The following SLC18A1 variants were observed in gnomAD, a reference collection of about 807,000 sequenced individuals.
The protein encoded by SLC18A1 is solute carrier family 18 member A1, also known as chromaffin granule amine transporter.
Under a neutral mutation model 53.7 loss-of-function variants are expected in SLC18A1, and 69 were observed. The ratio of observed to expected loss-of-function variants is 1.28; its 90% confidence interval spans 1.06 to 1.57. The LOEUF is 1.57. SLC18A1 is among the 40% of genes most tolerant of loss of function. The pLI is 0.00. For missense variants in SLC18A1, 932 were observed against 668.1 expected (o/e 1.40, Z -4.35); for synonymous variants, 320 against 248.1 (o/e 1.29, Z -2.72).
At chr8:20,159,921 C>T (rs576069238) in intron 10 of SLC18A1, among the ~76,000 whole-genome samples, 4 of 152,178 alleles carry the variant, frequency 2.6e-5, no homozygotes, top group African/African-American at 4.8e-5. Flanking sequence ...AGCGTGGTAG[C>T]ACAGATGGCT....
intron 10 of SLC18A1, among the ~76,000 whole-genome samples, chr8:20,153,864 G>C (rs1447994422): frequency 6.6e-6 from 1 of 152,158 alleles, no homozygotes; most frequent in African/African-American, 2.4e-5. Flanking sequence ...CTGACATCAA[G>C]GTGATATTGC....
chr8:20,149,617 TG>T, intron 12 of SLC18A1, 58 bp downstream of exon 12: 2 of 1,297,870 alleles, frequency 1.5e-6, no homozygotes, highest in Non-Finnish European at 2.2e-6. Flanking sequence ...TCTCTCTCTC[TG>T]TCTGTCTGTC....
intron 5 of SLC18A1, 99 bp from the exon 6 acceptor site, chr8:20,173,227 T>G: frequency 1.2e-6 from 1 of 837,782 alleles, no homozygotes; most frequent in East Asian, 2.7e-5. Context: ...GTGACAATCT[T>G]AGCTAGAGTT....
intron 4 of SLC18A1, among the ~76,000 whole-genome samples, chr8:20,174,739 G>A (rs1351550416): frequency 6.6e-6 from 1 of 152,162 alleles, no homozygotes; most frequent in Non-Finnish European, 1.5e-5. Flanking sequence ...TCTGTCCACT[G>A]AAATGAGGGA....
rs765546439 is a variant in SLC18A1 at position 20,148,078 on chromosome 8, G to C, written c.1147-8C>G. The C allele has an allele frequency of 1.9e-6, 3 of 1,613,820 alleles. No homozygotes were observed. The highest frequency in any genetic ancestry group is 2.7e-5 in the African/African-American group (2 of 74,902). On this transcript the variant is annotated splice_region_variant and splice_polypyrimidine_tract_variant and intron_variant, in intron 12 of 15. Coordinates refer to ENST00000276373, the MANE Select transcript of SLC18A1 (RefSeq NM_003053.4). The stretch of plus-strand genomic sequence containing the variant: ...ATTGTGAGCCAGAGGAACCTGCATG[G>C]GGAAGGAGGAAGAGTCATCAGGACT...
rs930279279 is a variant in SLC18A1, at chr8:20,144,902, T to A, written c.*861A>T. ...ATTAGCAAGTATGAACAATGTCACA[T>A]TACACCCCTCCTGTTAGGAAATCTA... On this transcript the variant is annotated 3_prime_UTR_variant, in exon 16 of 16. Transcript: ENST00000276373. The A allele has an allele frequency of 6.6e-6, 1 of 152,174 alleles. No homozygotes were observed. Among genetic ancestry groups the A allele is most frequent in the African/African-American group, 2.4e-5 (1 of 41,440 alleles). The allele number at this position is 152,174 out of a possible 1,614,324, so 9.4% of individuals were successfully genotyped here.
chr8:20,171,707 C>T (rs554856382), intron 6 of SLC18A1, among the ~76,000 whole-genome samples: 339 of 137,488 alleles, frequency 2.5e-3, no homozygotes, highest in Non-Finnish European at 3.5e-3. Context: ...TGTGTGTGCG[C>T]GCGCGTGTGT....
intron 12 of SLC18A1, chr8:20,148,529 G>A (rs1473027560): frequency 8.2e-7 from 1 of 1,218,776 alleles, no homozygotes; most frequent in Non-Finnish European, 1.1e-6. Flanking sequence ...GTTGGAAAAA[G>A]AAGATAGAGA....
rs1342243692 is a variant in SLC18A1, at chr8:20,173,134, CAG to C, written c.632-8_632-7del. On this transcript the variant is annotated splice_region_variant and splice_polypyrimidine_tract_variant and intron_variant, in intron 5 of 15. Transcript: ENST00000276373. The stretch of plus-strand genomic sequence containing the variant: ...ACTGGCCAGCATTCCAAGACCTGCG[CAG>C]AGAGTTACAGATGCAGCTGGCCCCC... The C allele has an allele frequency of 6.4e-7, 1 of 1,560,444 alleles. No homozygotes were observed. Among genetic ancestry groups the C allele is most frequent in the Non-Finnish European group, 8.7e-7 (1 of 1,152,370 alleles).
At chr8:20,167,625 T>G (rs955389101) in intron 8 of SLC18A1, among the ~76,000 whole-genome samples, 2 of 151,910 alleles carry the variant, frequency 1.3e-5, no homozygotes, top group African/African-American at 4.8e-5. Flanking sequence ...TTTTTTTGTT[T>G]TTTTTGTTTT....
At chr8:20,170,513 T>G (rs1486762185) in intron 8 of SLC18A1, among the ~76,000 whole-genome samples, 2 of 152,192 alleles carry the variant, frequency 1.3e-5, no homozygotes, top group Non-Finnish European at 2.9e-5. Flanking sequence ...CTTTCTTACT[T>G]TTTTTCCTTC....
intron 10 of SLC18A1, among the ~76,000 whole-genome samples, chr8:20,157,783 A>T (rs2071719562): frequency 6.6e-6 from 1 of 152,182 alleles, no homozygotes; most frequent in Non-Finnish European, 1.5e-5. Flanking sequence ...AGAGATCAGG[A>T]GGAGCAGGTG....
Position 20,178,395 on chromosome 8 carries a change from TA to T in SLC18A1, c.547+39del, listed in dbSNP as rs1463638399. 3.3e-6 allele frequency: 5 copies of T among 1,516,412 alleles called. No individual in the cohort carries two copies. In the Admixed American group the frequency reaches 5.3e-5, roughly 16 times the overall value. The allele number at this position is 1,516,412 out of a possible 1,614,324, so 93.9% of individuals were successfully genotyped here. ...CGCATTCACTTGATAAAATCAAAGGTAATCAGTGAAGGGAAGAAAAGAGGAA... is the reference window on the plus strand; with the variant it reads ...CGCATTCACTTGATAAAATCAAAGGTATCAGTGAAGGGAAGAAAAGAGGAA... On this transcript the variant is annotated intron_variant, in intron 4 of 15. Coordinates refer to ENST00000276373, the MANE Select transcript of SLC18A1 (RefSeq NM_003053.4).
intron 8 of SLC18A1, among the ~76,000 whole-genome samples, chr8:20,168,208 T>C (rs1159945254): frequency 6.6e-6 from 1 of 151,952 alleles, no homozygotes; most frequent in East Asian, 1.9e-4. Context: ...ACCCGGTCTC[T>C]ATAAAAAGTT....
At chr8:20,148,699 G>T (rs2071469716) in intron 12 of SLC18A1, among the ~76,000 whole-genome samples, 1 of 152,084 alleles carries the variant, frequency 6.6e-6, no homozygotes, top group East Asian at 1.9e-4. Context: ...TCCCTCTCTG[G>T]GTACCTGCCA....
At chr8:20,149,552 G>C in intron 12 of SLC18A1, 124 bp downstream of exon 12, 2 of 732,246 alleles carry the variant, frequency 2.7e-6, no homozygotes, top group Non-Finnish European at 4.5e-6. Flanking sequence ...AAGGAAATTA[G>C]TCTTTAAATG....
At chr8:20,180,084 G>T in intron 2 of SLC18A1, among the ~76,000 whole-genome samples, 1 of 147,772 alleles carries the variant, frequency 6.8e-6, no homozygotes, top group Middle Eastern at 3.2e-3. Flanking sequence ...GATGTACCAC[G>T]ATGTTTAAGA....
intron 1 of SLC18A1, 140 bp from the exon 2 acceptor site, chr8:20,181,227 T>C (rs1312538862): frequency 3.2e-6 from 1 of 316,070 alleles, no homozygotes; most frequent in Non-Finnish European, 5.9e-6. Context: ...TAAGCATCGC[T>C]TACTAGCTAT....
At chr8:20,168,814 C>T (rs2072038822) in intron 8 of SLC18A1, among the ~76,000 whole-genome samples, 1 of 152,090 alleles carries the variant, frequency 6.6e-6, no homozygotes, top group African/African-American at 2.4e-5. Flanking sequence ...AAGTGATCCG[C>T]CTGCCTTGGA....
Sources: gnomAD v4.1 joint callset for allele counts (sites outside exome capture counted in the v4.1 genomes callset) on GRCh38, gnomAD v4.1.1 for gene constraint, MANE v1.5 for transcripts, NCBI Gene and HGNC (gene_info 2026-07-23, HGNC 2026-07-21) for gene names.